Variants in DAB1 observed in about 807,000 individuals in gnomAD.
The protein encoded by DAB1 is disabled homolog 1.
In DAB1, 15 loss-of-function variants were observed where a neutral mutation model predicts 64.6. That is an observed-to-expected ratio of 0.23 (90% CI 0.16 to 0.36). The LOEUF (loss-of-function observed/expected upper bound fraction) is 0.36, where lower values mean the gene tolerates loss of function less well. DAB1 is among the 10% of genes least tolerant of loss of function. The pLI is 1.00. For missense variants in DAB1, 596 were observed against 706.7 expected (o/e 0.84, Z 1.78); for synonymous variants, 235 against 251.9 (o/e 0.93, Z 0.64).
At chr1:58,054,793 T>G (rs1332262671) in intron 5 of DAB1, among the ~76,000 whole-genome samples, 2 of 152,230 alleles carry the variant, frequency 1.3e-5, no homozygotes, top group East Asian at 3.8e-4. Flanking sequence ...GTTTGGGGCA[T>G]GAAACACAGT....
intron 6 of DAB1, among the ~76,000 whole-genome samples, chr1:57,772,693 AT>A (rs199706982): frequency 3.3e-5 from 5 of 151,468 alleles, no homozygotes; most frequent in South Asian, 2.1e-4. Flanking sequence ...CTATTTTTAG[AT>A]TTTTTTTTAA....
At chr1:57,998,386 TCTC>T (rs1405764292) in intron 5 of DAB1, among the ~76,000 whole-genome samples, 42 of 138,274 alleles carry the variant, frequency 3.0e-4, no homozygotes, top group African/African-American at 1.1e-3. Flanking sequence ...CTTTTTTTTC[TCTC>T]TTTTTTTTTT....
chr1:57,483,204 G>C (rs1246861906), intron 7 of DAB1, among the ~76,000 whole-genome samples: 1 of 152,058 alleles, frequency 6.6e-6, no homozygotes, highest in Non-Finnish European at 1.5e-5. Flanking sequence ...TAATGAAAAA[G>C]AATAGTTAAT....
At chr1:57,420,369 C>A (rs953806951) in intron 1 of DAB1, among the ~76,000 whole-genome samples, 1 of 152,156 alleles carries the variant, frequency 6.6e-6, no homozygotes, top group African/African-American at 2.4e-5. Flanking sequence ...AGGCCAGTTA[C>A]CAAATCTTCC....
intron 11 of DAB1, among the ~76,000 whole-genome samples, chr1:57,018,530 T>C (rs182769241): frequency 6.6e-6 from 1 of 152,356 alleles, no homozygotes. Context: ...ATGAAATTCA[T>C]TTCAAGGTGT....
At chr1:57,457,231 CAT>C (rs1459298212) in intron 7 of DAB1, among the ~76,000 whole-genome samples, 1 of 152,138 alleles carries the variant, frequency 6.6e-6, no homozygotes, top group Non-Finnish European at 1.5e-5. Context: ...ATTTCACAAA[CAT>C]GTGGTAGACC....
intron 3 of DAB1, among the ~76,000 whole-genome samples, chr1:58,346,288 T>C (rs1643996807): frequency 6.6e-6 from 1 of 152,192 alleles, no homozygotes; most frequent in East Asian, 1.9e-4. Flanking sequence ...AATAGCTATT[T>C]ATTCAGCTTC....
upstream of DAB1, among the ~76,000 whole-genome samples, chr1:57,886,884 T>G (rs1644231459): frequency 6.6e-6 from 1 of 152,232 alleles, no homozygotes; most frequent in Admixed American, 6.5e-5. Flanking sequence ...AAAGTGTCAT[T>G]GTGAGGCTTG....
intron 2 of DAB1, among the ~76,000 whole-genome samples, chr1:58,522,729 T>C (rs1646284611): frequency 6.6e-6 from 1 of 152,218 alleles, no homozygotes; most frequent in South Asian, 2.1e-4. Context: ...ACATGTTTTG[T>C]ATGTTATATG....
At chr1:57,747,872 A>C (rs1648360547) in intron 6 of DAB1, among the ~76,000 whole-genome samples, 1 of 123,946 alleles carries the variant, frequency 8.1e-6, no homozygotes, top group African/African-American at 3.0e-5. Context: ...ACTGGCACTG[A>C]AATATCCATG....
intron 7 of DAB1, among the ~76,000 whole-genome samples, chr1:57,439,102 C>G (rs992691456): frequency 9.2e-5 from 14 of 152,252 alleles, no homozygotes; most frequent in Admixed American, 9.1e-4. Context: ...AGTCTCAGTG[C>G]TTCTGCAGAA....
At chr1:57,049,009 A>T (rs764876004) in intron 9 of DAB1, among the ~76,000 whole-genome samples, 12 of 152,182 alleles carry the variant, frequency 7.9e-5, no homozygotes, top group Non-Finnish European at 1.2e-4. Flanking sequence ...GACTCCATTA[A>T]TGACAGCTCA....
chr1:57,359,400 T>C (rs1188522368), intron 1 of DAB1, among the ~76,000 whole-genome samples: 1 of 151,830 alleles, frequency 6.6e-6, no homozygotes, highest in Non-Finnish European at 1.5e-5. Context: ...GATATCCCCC[T>C]ACCCCAGTTA....
chr1:58,361,216 G>T (rs1557739718), intron 3 of DAB1, among the ~76,000 whole-genome samples: 1 of 152,184 alleles, frequency 6.6e-6, no homozygotes, highest in Non-Finnish European at 1.5e-5. Flanking sequence ...GCCTCCTAGG[G>T]CCTACCTGCT....
At chr1:57,725,588 A>G (rs896665888) in intron 6 of DAB1, among the ~76,000 whole-genome samples, 1 of 152,284 alleles carries the variant, frequency 6.6e-6, no homozygotes, top group East Asian at 1.9e-4. Context: ...AGCTGACACT[A>G]CTTCACAGAC....
intron 7 of DAB1, among the ~76,000 whole-genome samples, chr1:57,450,458 C>T (rs1181586595): frequency 6.6e-6 from 1 of 152,304 alleles, no homozygotes; most frequent in East Asian, 1.9e-4. Context: ...GGCTCTACAA[C>T]TTTACTATGT....
intron 3 of DAB1, among the ~76,000 whole-genome samples, chr1:58,354,410 T>C (rs934333494): frequency 3.9e-5 from 6 of 152,160 alleles, no homozygotes; most frequent in African/African-American, 1.4e-4. Flanking sequence ...CTCGTAGCAT[T>C]TAAGGTGTTA....
intron 2 of DAB1, among the ~76,000 whole-genome samples, chr1:57,239,881 ACTTT>A (rs1468384773): frequency 6.6e-6 from 1 of 152,184 alleles, no homozygotes; most frequent in African/African-American, 2.4e-5. Context: ...CAGGCAAGAA[ACTTT>A]TAAAGTGCCT....
intron 6 of DAB1, among the ~76,000 whole-genome samples, chr1:57,709,450 C>CTA (rs1230317281): frequency 5.9e-5 from 9 of 151,988 alleles, no homozygotes; most frequent in South Asian, 2.1e-4. Flanking sequence ...CTTTCTCTCT[C>CTA]TATATATATA....
Sources: allele counts gnomAD v4.1 joint callset (sites outside exome capture counted in the v4.1 genomes callset), GRCh38; gene constraint gnomAD v4.1.1; transcripts MANE v1.5; gene names NCBI Gene and HGNC (gene_info 2026-07-23, HGNC 2026-07-21).